The following RFPL1 variants were observed in gnomAD, a reference collection of about 807,000 sequenced individuals.
The protein encoded by RFPL1 is ret finger protein like 1, also known as ret finger protein-like 1.
Under a neutral mutation model 9.6 loss-of-function variants are expected in RFPL1, and 6 were observed. That is an observed-to-expected ratio of 0.62 (90% confidence interval 0.34 to 1.23). The LOEUF is 1.23. Ranked by LOEUF, RFPL1 falls within the 50% of genes most tolerant of loss-of-function variation. The pLI is 0.03. For missense variants in RFPL1, 352 were observed against 398.4 expected (o/e 0.88, Z 0.99); for synonymous variants, 145 against 149.4 (o/e 0.97, Z 0.22).
the RFPL1 span, among the ~76,000 whole-genome samples, chr22:29,394,451 T>G: frequency 6.6e-6 from 1 of 152,218 alleles, no homozygotes; most frequent in East Asian, 1.9e-4. Context: ...CAAGCCATTC[T>G]CCTGCCTCAG....
At chr22:29,442,102 C>A in exon 2 of RFPL1, 1 of 1,546,802 alleles carries the variant, frequency 6.5e-7, no homozygotes, top group Non-Finnish European at 8.7e-7. Flanking sequence ...TGCTCCAGTC[C>A]ATCCTGGGGA....
At chr22:29,417,926 A>C in the RFPL1 span, among the ~76,000 whole-genome samples, 1 of 149,190 alleles carries the variant, frequency 6.7e-6, no homozygotes, top group Non-Finnish European at 1.5e-5. Flanking sequence ...CGGGGAAGGC[A>C]GACCTTGAAT....
chr22:29,439,301 C>T (rs2062825772), intron 1 of RFPL1, 137 bp downstream of exon 1: 1 of 1,279,210 alleles, frequency 7.8e-7, no homozygotes, highest in Admixed American at 2.3e-5. Context: ...TCATCAGATT[C>T]TCAGCCCTGA....
the RFPL1 span, among the ~76,000 whole-genome samples, chr22:29,421,282 C>T: frequency 1.3e-5 from 2 of 152,204 alleles, no homozygotes; most frequent in South Asian, 2.1e-4. Flanking sequence ...TAAAAAACCC[C>T]AACCCCAAAA....
At chr22:29,413,309 T>C in the RFPL1 span, among the ~76,000 whole-genome samples, 1 of 152,070 alleles carries the variant, frequency 6.6e-6, no homozygotes, top group African/African-American at 2.4e-5. Flanking sequence ...CACCCTTTGA[T>C]GAGAACATGA....
chr22:29,392,674 C>T, the RFPL1 span, among the ~76,000 whole-genome samples: 2 of 152,108 alleles, frequency 1.3e-5, no homozygotes, highest in African/African-American at 4.8e-5. Context: ...CCAACACACA[C>T]GGCCAAGTAG....
At chr22:29,421,217 A>C in the RFPL1 span, among the ~76,000 whole-genome samples, 1 of 152,064 alleles carries the variant, frequency 6.6e-6, no homozygotes, top group Non-Finnish European at 1.5e-5. Context: ...CTTTGGCTGG[A>C]GCATTGAACC....
At chr22:29,391,183 A>C in the RFPL1 span, among the ~76,000 whole-genome samples, 1 of 151,502 alleles carries the variant, frequency 6.6e-6, no homozygotes, top group African/African-American at 2.4e-5. Context: ...AACAAATGGA[A>C]TTTTTTTTTC....
the RFPL1 span, among the ~76,000 whole-genome samples, chr22:29,430,025 G>A: frequency 1.3e-5 from 2 of 152,080 alleles, no homozygotes; most frequent in Non-Finnish European, 2.9e-5. Flanking sequence ...AATGTTTCCA[G>A]CACGTTGGAT....
At chr22:29,392,378 C>CTTTTTTTT in the RFPL1 span, among the ~76,000 whole-genome samples, 18 of 46,288 alleles carry the variant, frequency 3.9e-4, 4 homozygotes, top group Non-Finnish European at 4.8e-4. Flanking sequence ...CCACACCTGG[C>CTTTTTTTT]TTTTTTTTTT....
chr22:29,413,397 G>T, the RFPL1 span, among the ~76,000 whole-genome samples: 1 of 152,046 alleles, frequency 6.6e-6, no homozygotes, highest in Admixed American at 6.6e-5. Flanking sequence ...TGAGGGAAAG[G>T]AAAGTGGGAG....
chr22:29,425,627 C>T, the RFPL1 span, among the ~76,000 whole-genome samples: 11 of 152,286 alleles, frequency 7.2e-5, no homozygotes, highest in Middle Eastern at 3.4e-3. Flanking sequence ...AAATGCAGGA[C>T]ATTTGTGAAG....
At chr22:29,417,173 G>A in the RFPL1 span, among the ~76,000 whole-genome samples, 12 of 152,080 alleles carry the variant, frequency 7.9e-5, no homozygotes, top group East Asian at 1.9e-3. Flanking sequence ...AGGCCGACTC[G>A]CTCTTTGGGG....
At chr22:29,396,883 C>G in the RFPL1 span, among the ~76,000 whole-genome samples, 1 of 150,730 alleles carries the variant, frequency 6.6e-6, no homozygotes, top group African/African-American at 2.5e-5. Flanking sequence ...GCCACCACAC[C>G]CAGCCTGAAA....
the RFPL1 span, among the ~76,000 whole-genome samples, chr22:29,420,378 T>A: frequency 1.4e-4 from 21 of 152,312 alleles, no homozygotes; most frequent in Admixed American, 1.2e-3. Flanking sequence ...TCACCCAGGC[T>A]GGAGTGCAGT....
chr22:29,410,634 T>TATCTATCTATATATAGATAGATAG, the RFPL1 span, among the ~76,000 whole-genome samples: 4 of 108,466 alleles, frequency 3.7e-5, no homozygotes, highest in Admixed American at 9.3e-5. Flanking sequence ...TAGATAGATA[T>TATCTATCTATATATAGATAGATAG]ATTGTAGATA....
At chr22:29,393,862 G>T in the RFPL1 span, among the ~76,000 whole-genome samples, 2 of 152,144 alleles carry the variant, frequency 1.3e-5, no homozygotes, top group African/African-American at 4.8e-5. Context: ...TTTTAGTAGA[G>T]ATGGGGTTTC....
At chr22:29,413,105 A>T in the RFPL1 span, among the ~76,000 whole-genome samples, 1 of 151,738 alleles carries the variant, frequency 6.6e-6, no homozygotes, top group Non-Finnish European at 1.5e-5. Flanking sequence ...AAACACCAGG[A>T]TAGGGGAGTC....
the RFPL1 span, among the ~76,000 whole-genome samples, chr22:29,415,713 C>T: frequency 1.3e-5 from 2 of 152,234 alleles, no homozygotes; most frequent in East Asian, 1.9e-4. Context: ...CTAAGCTCCC[C>T]GAAGAAAGAG....
Sources: gnomAD v4.1 joint callset for allele counts (sites outside exome capture counted in the v4.1 genomes callset) on GRCh38, gnomAD v4.1.1 for gene constraint, MANE v1.5 for transcripts, NCBI Gene and HGNC (gene_info 2026-07-23, HGNC 2026-07-21) for gene names.